Variants in TENM2 observed in about 807,000 individuals in gnomAD.
TENM2 encodes the protein teneurin-2.
A neutral mutation model predicts 245.2 loss-of-function variants in TENM2; 52 were observed. The observed-to-expected ratio is 0.21, with a 90% CI of 0.17 to 0.27. The LOEUF (loss-of-function observed/expected upper bound fraction) is 0.27. Ranked by LOEUF, TENM2 falls within the 10% of genes least tolerant of loss-of-function variation. The probability of loss-of-function intolerance (pLI) is 1.00; values close to 1 mark genes in which losing one functional copy is unlikely to be tolerated. For synonymous variants in TENM2, 1,363 were observed against 1,438.9 expected (o/e 0.95, Z 1.19); for missense variants, 3,046 against 3,666.8 (o/e 0.83, Z 4.37).
chr5:167,521,295 A>C (rs1455060903), intron 2 of TENM2, among the ~76,000 whole-genome samples: 1 of 152,144 alleles, frequency 6.6e-6, no homozygotes, highest in African/African-American at 2.4e-5. Flanking sequence ...TCACTACTCA[A>C]ATATTCACAT....
intron 2 of TENM2, among the ~76,000 whole-genome samples, chr5:167,498,661 G>A (rs1002338263): frequency 1.3e-5 from 2 of 152,028 alleles, no homozygotes. Context: ...TGAACAGAGA[G>A]CCCCCACCCC....
chr5:167,033,671 A>G, the TENM2 span, among the ~76,000 whole-genome samples: 1 of 152,182 alleles, frequency 6.6e-6, no homozygotes, highest in Non-Finnish European at 1.5e-5. Context: ...TATATTACAG[A>G]ATTTTTGTTC....
At chr5:167,035,804 A>C in the TENM2 span, among the ~76,000 whole-genome samples, 1 of 152,214 alleles carries the variant, frequency 6.6e-6, no homozygotes, top group Non-Finnish European at 1.5e-5. Flanking sequence ...CAGTGGCACT[A>C]TCTTGGCTCA....
chr5:167,154,632 G>A, the TENM2 span, among the ~76,000 whole-genome samples: 127 of 152,226 alleles, frequency 8.3e-4, no homozygotes, highest in Admixed American at 3.1e-3. Flanking sequence ...TTTTCCATAG[G>A]TTTAAAATGC....
At chr5:168,049,343 T>C (rs901930263) in intron 6 of TENM2, among the ~76,000 whole-genome samples, 4 of 152,216 alleles carry the variant, frequency 2.6e-5, no homozygotes, top group Admixed American at 6.5e-5. Context: ...AGTCAGCACC[T>C]CATCCCTTCA....
the TENM2 span, among the ~76,000 whole-genome samples, chr5:167,056,646 T>G: frequency 1.4e-5 from 2 of 147,112 alleles, no homozygotes; most frequent in Admixed American, 6.9e-5. Flanking sequence ...TATATAAATA[T>G]ATCTATATAA....
intron 2 of TENM2, among the ~76,000 whole-genome samples, chr5:167,385,856 A>ATGTATGTG (rs1319161569): frequency 1.7e-4 from 24 of 139,148 alleles, no homozygotes; most frequent in African/African-American, 6.5e-4. Flanking sequence ...TTATATATAT[A>ATGTATGTG]TGTGTGTGTG....
At chr5:167,263,533 T>G in the TENM2 span, among the ~76,000 whole-genome samples, 2 of 152,170 alleles carry the variant, frequency 1.3e-5, no homozygotes, top group African/African-American at 4.8e-5. Flanking sequence ...ATCTCCTACT[T>G]GGATCTTAAT....
chr5:168,155,659 G>A (rs1757089586), intron 12 of TENM2, among the ~76,000 whole-genome samples: 1 of 152,100 alleles, frequency 6.6e-6, no homozygotes, highest in South Asian at 2.1e-4. Flanking sequence ...TTTTTAACTT[G>A]AAAAAGGATG....
the TENM2 span, among the ~76,000 whole-genome samples, chr5:167,091,064 A>G: frequency 1.3e-5 from 2 of 152,288 alleles, no homozygotes. Flanking sequence ...ACTACTGTTA[A>G]ATGGGAAATA....
At chr5:167,617,675 G>A (rs58457583) in intron 2 of TENM2, among the ~76,000 whole-genome samples, 1,599 of 152,170 alleles carry the variant, frequency 0.011, 13 homozygotes, top group Middle Eastern at 0.024. Flanking sequence ...TAGAGGCTTC[G>A]TGTTTGAACA....
chr5:167,007,832 A>G, the TENM2 span, among the ~76,000 whole-genome samples: 1 of 152,066 alleles, frequency 6.6e-6, no homozygotes, highest in Non-Finnish European at 1.5e-5. The surrounding 1 kb of genome is among the most constrained non-coding windows in gnomAD (Gnocchi z 4.2). Context: ...ATGATTTTTG[A>G]TGTCCTCACT....
At chr5:167,673,759 AT>A (rs35400041) in intron 2 of TENM2, among the ~76,000 whole-genome samples, 2,820 of 147,568 alleles carry the variant, frequency 0.019, 83 homozygotes, top group East Asian at 0.14. Flanking sequence ...CCAATACCTT[AT>A]TTTTTTTTTT....
intron 5 of TENM2, among the ~76,000 whole-genome samples, chr5:168,012,169 A>G (rs528309014): frequency 1.3e-5 from 2 of 152,300 alleles, no homozygotes; most frequent in Non-Finnish European, 2.9e-5. Flanking sequence ...CTAAAAAAAG[A>G]AATGTACAGT....
intron 2 of TENM2, among the ~76,000 whole-genome samples, chr5:167,571,265 A>T (rs1774249572): frequency 6.6e-6 from 1 of 152,178 alleles, no homozygotes; most frequent in South Asian, 2.1e-4. Context: ...CCATCTTAAG[A>T]TGAGGACACA....
intron 1 of TENM2, among the ~76,000 whole-genome samples, chr5:167,347,643 TCTTC>T (rs1370030050): frequency 6.6e-6 from 1 of 151,974 alleles, no homozygotes; most frequent in Non-Finnish European, 1.5e-5. Flanking sequence ...TAAACCTCCT[TCTTC>T]CTTCCATCCT....
intron 2 of TENM2, among the ~76,000 whole-genome samples, chr5:167,448,496 GA>G (rs746525686): frequency 2.0e-5 from 3 of 147,558 alleles, no homozygotes; most frequent in Non-Finnish European, 4.5e-5. Context: ...ATCGGTTTTT[GA>G]AAAAAAAGTA....
intron 2 of TENM2, among the ~76,000 whole-genome samples, chr5:167,410,068 A>G (rs760603172): frequency 1.6e-4 from 24 of 152,186 alleles, no homozygotes; most frequent in Non-Finnish European, 3.2e-4. Context: ...CTCTACCATC[A>G]GAAAATAAAC....
chr5:167,084,272 G>C, the TENM2 span, among the ~76,000 whole-genome samples: 2 of 127,448 alleles, frequency 1.6e-5, no homozygotes, highest in African/African-American at 5.7e-5. Flanking sequence ...CAAGATTTTG[G>C]CTCTGAAGAC....
Sources: allele counts gnomAD v4.1 joint callset (sites outside exome capture counted in the v4.1 genomes callset), GRCh38; gene constraint gnomAD v4.1.1; non-coding constraint Gnocchi (gnomAD v3.1); transcripts MANE v1.5; gene names NCBI Gene and HGNC (gene_info 2026-07-23, HGNC 2026-07-21).